Variants in UGT1A8 observed in about 807,000 individuals in gnomAD.
UGT1A8 encodes UDP glucuronosyltransferase family 1 member A8.
UGT1A8 carries 39 observed loss-of-function variants against 45.3 expected under a neutral mutation model. That is an observed-to-expected ratio of 0.86 (90% CI 0.67 to 1.12). The LOEUF (loss-of-function observed/expected upper bound fraction) is 1.12, where lower values mean the gene tolerates loss of function less well. Among genes scored for constraint, UGT1A8 ranks in the 50% most tolerant of loss-of-function variants. The probability of loss-of-function intolerance (pLI) is 0.00; values close to 1 mark genes in which losing one functional copy is unlikely to be tolerated. For missense variants in UGT1A8, 719 were observed against 664.9 expected (o/e 1.08, Z -0.90); for synonymous variants, 275 against 249.2 (o/e 1.10, Z -0.97).
Position 233,637,472 on chromosome 2 carries a change from T to C in UGT1A8, c.855+18910T>C, listed in dbSNP as rs1233448098. ...AACTGTGATTTGACATTTTCGTTTGTTGCATTTCAAATTTCTTTCCAGTTT... is the reference window on the plus strand; with the variant it reads ...AACTGTGATTTGACATTTTCGTTTGCTGCATTTCAAATTTCTTTCCAGTTT... On this transcript the variant is annotated intron_variant, in intron 1 of 4. Transcript: ENST00000373450. 8 of 1,500,884 alleles carry C rather than the reference T, an allele frequency of 5.3e-6. No homozygotes were observed. The Admixed American group carries it at 1.8e-4, about 34-fold the overall frequency. 93.0% of individuals were successfully genotyped at this position (1,500,884 alleles called of 1,614,324 possible). A position where few individuals can be genotyped will look rare whatever the true frequency, so the allele number is the denominator to read the frequency against.
chr2:233,749,292 A>T (rs1326160420), intron 1 of UGT1A8, among the ~76,000 whole-genome samples: 1 of 151,992 alleles, frequency 6.6e-6, no homozygotes, highest in Admixed American at 6.5e-5. Flanking sequence ...GTAGTTATTC[A>T]ATTATAAAAT....
intron 1 of UGT1A8, among the ~76,000 whole-genome samples, chr2:233,756,874 G>A (rs1221596581): frequency 3.9e-5 from 6 of 152,098 alleles, no homozygotes; most frequent in Non-Finnish European, 7.3e-5. Context: ...GGTATTAGGT[G>A]TAATGAGGAT....
chr2:233,735,745 A>T lies in UGT1A8; in HGVS notation c.856-31289A>T, dbSNP rs1416726513. Among the ~76,000 whole-genome samples, 5 of 152,186 alleles carry T rather than the reference A, an allele frequency of 3.3e-5. No individual in the cohort carries two copies. The East Asian group carries it at 9.6e-4, about 29-fold the overall frequency. ...CTCAGCATTTGCTTGTCTATAAAGG[A>T]TTTTATTTCTCCTTCACTTATGAAG... On this transcript the variant is annotated intron_variant, in intron 1 of 4. Coordinates refer to ENST00000373450, the MANE Select transcript of UGT1A8 (RefSeq NM_019076.5).
At chr2:233,699,913 C>T (rs905252126) in intron 1 of UGT1A8, among the ~76,000 whole-genome samples, 5 of 152,174 alleles carry the variant, frequency 3.3e-5, no homozygotes, top group Non-Finnish European at 2.9e-5. Flanking sequence ...GTAGGATATA[C>T]GTAGAGGCCA....
chr2:233,718,753 G>T, intron 1 of UGT1A8: 5 of 1,612,362 alleles, frequency 3.1e-6, no homozygotes, highest in Non-Finnish European at 4.2e-6. Flanking sequence ...AGGTAATTAA[G>T]GCGAAGGAAA....
At chr2:233,682,872 C>T (rs1348712274) in intron 1 of UGT1A8, 1 of 1,521,250 alleles carries the variant, frequency 6.6e-7, no homozygotes, top group South Asian at 1.3e-5. Context: ...CATAATTTAT[C>T]ATTTACATTT....
In UGT1A8 at chr2:233,683,100, A is replaced by G. The variant is rs375985359; in HGVS notation, c.855+64538A>G. Among the ~76,000 whole-genome samples, 6 of 152,278 alleles carry G rather than the reference A, an allele frequency of 3.9e-5. No homozygotes were observed. The South Asian group carries it at 1.2e-3, about 32-fold the overall frequency. ...AAACTTCCCTTTTTTTGCTAATTCT[A>G]CACTACCCCCAGAGGAAAATATTCT... On this transcript the variant is annotated intron_variant, in intron 1 of 4. Transcript: ENST00000373450.
intron 1 of UGT1A8, chr2:233,747,939 G>A (rs1693817235): frequency 2.5e-6 from 4 of 1,613,396 alleles, no homozygotes; most frequent in Non-Finnish European, 3.4e-6. Flanking sequence ...TCAGAGGGAG[G>A]TGTCAGTGGT....
intron 1 of UGT1A8, among the ~76,000 whole-genome samples, chr2:233,759,866 G>A (rs1362136524): frequency 6.6e-6 from 1 of 152,108 alleles, no homozygotes; most frequent in African/African-American, 2.4e-5. Flanking sequence ...CGAAAGCGGG[G>A]GTACAGTTGT....
At chr2:233,737,210 G>A (rs2078852956) in intron 1 of UGT1A8, among the ~76,000 whole-genome samples, 1 of 152,244 alleles carries the variant, frequency 6.6e-6, no homozygotes, top group South Asian at 2.1e-4. Context: ...GGTGGACTCT[G>A]TTCAGTTCCA....
chr2:233,650,777 T>C (rs893866837), intron 1 of UGT1A8, among the ~76,000 whole-genome samples: 4 of 152,244 alleles, frequency 2.6e-5, no homozygotes, highest in African/African-American at 9.6e-5. Flanking sequence ...AACTAGATCC[T>C]ATTCAGACAT....
chr2:233,767,285 T>C (rs1440125583), intron 2 of UGT1A8, 120 bp downstream of exon 2: 1 of 1,569,258 alleles, frequency 6.4e-7, no homozygotes, highest in Non-Finnish European at 8.6e-7. Flanking sequence ...CCCTGCCACT[T>C]CCCAACTATT....
intron 1 of UGT1A8, among the ~76,000 whole-genome samples, chr2:233,695,436 T>C (rs368139709): frequency 6.7e-6 from 1 of 148,582 alleles, no homozygotes; most frequent in African/African-American, 2.5e-5. Flanking sequence ...CTTCTTCTTC[T>C]TTTTTTTTTG....
chr2:233,760,507 T>C (rs1199756469), intron 1 of UGT1A8: 2 of 1,614,154 alleles, frequency 1.2e-6, no homozygotes, highest in South Asian at 1.1e-5. Context: ...CGGAGCATTT[T>C]ACACCTTGAA....
intron 1 of UGT1A8, among the ~76,000 whole-genome samples, chr2:233,694,758 G>A (rs1012611114): frequency 6.6e-6 from 1 of 152,184 alleles, no homozygotes; most frequent in Non-Finnish European, 1.5e-5. Context: ...TAGCCACTGT[G>A]AAAAGGCAAG....
At chr2:233,686,829 CT>C (rs2074807252) in intron 1 of UGT1A8, among the ~76,000 whole-genome samples, 1 of 152,156 alleles carries the variant, frequency 6.6e-6, no homozygotes, top group South Asian at 2.1e-4. Flanking sequence ...TTTTATTCCT[CT>C]TTTCTATCTC....
chr2:233,759,046 C>G (rs1422861422), intron 1 of UGT1A8, among the ~76,000 whole-genome samples: 1 of 152,268 alleles, frequency 6.6e-6, no homozygotes, highest in South Asian at 2.1e-4. Context: ...CTGTTGTGAA[C>G]AAAAGTTCTC....
intron 1 of UGT1A8, among the ~76,000 whole-genome samples, chr2:233,732,478 A>G (rs60103279): frequency 0.034 from 5,126 of 152,332 alleles, 101 homozygotes; most frequent in African/African-American, 0.051. Flanking sequence ...TCTGGAATTA[A>G]TTTTTGTATA....
intron 1 of UGT1A8, among the ~76,000 whole-genome samples, chr2:233,656,293 C>T (rs2073851352): frequency 6.6e-6 from 1 of 152,220 alleles, no homozygotes; most frequent in South Asian, 2.1e-4. Flanking sequence ...CTCAAATTCA[C>T]AGTCTCCGTA....
Sources: gnomAD v4.1 joint callset for allele counts (sites outside exome capture counted in the v4.1 genomes callset) on GRCh38, gnomAD v4.1.1 for gene constraint, MANE v1.5 for transcripts, NCBI Gene and HGNC (gene_info 2026-07-23, HGNC 2026-07-21) for gene names.